Variants in ZFYVE28 observed in about 807,000 individuals in gnomAD.
ZFYVE28 encodes zinc finger FYVE-type containing 28, also known as lateral signaling target protein 2 homolog.
ZFYVE28 carries 40 observed loss-of-function variants against 82.1 expected under a neutral mutation model. The observed-to-expected ratio is 0.49, with a 90% CI of 0.38 to 0.63. The LOEUF (loss-of-function observed/expected upper bound fraction) is 0.63, where lower values mean the gene tolerates loss of function less well. ZFYVE28 is among the 30% of genes least tolerant of loss of function. ZFYVE28 has a pLI of 0.00. For missense variants in ZFYVE28, 1,321 were observed against 1,242.1 expected (o/e 1.06, Z -0.96); for synonymous variants, 612 against 546.1 (o/e 1.12, Z -1.68).
In ZFYVE28 at chr4:2,294,575, A is replaced by C. The variant is rs141831370; in HGVS notation, c.2051+9714T>G. The stretch of plus-strand genomic sequence containing the variant: ...AGATATGGCACCAAAATCACAATTC[A>C]TAAAATAAAAAATTGATAAATTGTA... On this transcript the variant is annotated intron_variant, in intron 8 of 12. Transcript: ENST00000290974. Among the ~76,000 whole-genome samples the C allele has an allele frequency of 7.3e-4, 111 of 152,368 alleles. 1 individual carries two copies. The East Asian group carries it at 0.02, about 28-fold the overall frequency.
intron 1 of ZFYVE28, among the ~76,000 whole-genome samples, chr4:2,399,446 G>A (rs890071695): frequency 9.2e-5 from 14 of 152,094 alleles, no homozygotes; most frequent in African/African-American, 2.4e-4. Flanking sequence ...GCCCCTGACC[G>A]TGCTGCCCCC....
chr4:2,305,792 T>C (rs1716482793), intron 7 of ZFYVE28, among the ~76,000 whole-genome samples: 1 of 152,250 alleles, frequency 6.6e-6, no homozygotes, highest in African/African-American at 2.4e-5. Context: ...AACAAGATTC[T>C]GGAAACTTTT....
At chr4:2,360,309 T>C (rs1278181508) in intron 1 of ZFYVE28, among the ~76,000 whole-genome samples, 6 of 151,992 alleles carry the variant, frequency 3.9e-5, no homozygotes, top group African/African-American at 1.5e-4. Context: ...ACCCTGCCGC[T>C]GTACCTTGAT....
At chr4:2,344,267 C>T (rs1177385134) in intron 2 of ZFYVE28, among the ~76,000 whole-genome samples, 3 of 152,092 alleles carry the variant, frequency 2.0e-5, no homozygotes, top group African/African-American at 7.2e-5. Flanking sequence ...TCAACACATG[C>T]CTGTGGGGAG....
rs929585693 is a variant in ZFYVE28 at position 2,354,811 on chromosome 4, A to C, written c.40-738T>G. Among the ~76,000 whole-genome samples the C allele has an allele frequency of 1.1e-4, 16 of 152,146 alleles. No individual in the cohort carries two copies. The East Asian group carries it at 1.9e-3, about 18-fold the overall frequency. ...AAAATATGAAGTGGCCCAGAATAAC[A>C]ATAAAATTTACTACACTTAAGTGAA... is the stretch of plus-strand genomic sequence containing the variant. On this transcript the variant is annotated intron_variant, in intron 1 of 12. Transcript: ENST00000290974.
In ZFYVE28 at chr4:2,304,156, C is replaced by T. The variant is rs150516585; in HGVS notation, c.2051+133G>A. 9.1e-3 allele frequency: 10,975 copies of T among 1,201,334 alleles called. 186 individuals are homozygous for T. Among genetic ancestry groups the T allele is most frequent in the African/African-American group, 0.05 (3,274 of 66,102 alleles). 74.4% of individuals were successfully genotyped at this position (1,201,334 alleles called of 1,614,324 possible). ...CCTCCTCACACACAGACCCCACACT[C>T]GGCCAGGGCCCAGCACCTGCCGGTG... On this transcript the variant is annotated intron_variant, in intron 8 of 12. Coordinates refer to ENST00000290974, the MANE Select transcript of ZFYVE28 (RefSeq NM_020972.3).
At chr4:2,299,420 C>T (rs961363916) in intron 8 of ZFYVE28, among the ~76,000 whole-genome samples, 1 of 151,210 alleles carries the variant, frequency 6.6e-6, no homozygotes. Flanking sequence ...GGCTTCATAC[C>T]TTTGCTGTGG....
intron 8 of ZFYVE28, among the ~76,000 whole-genome samples, chr4:2,292,418 C>T (rs1254524272): frequency 1.3e-5 from 2 of 152,102 alleles, no homozygotes; most frequent in Non-Finnish European, 2.9e-5. Context: ...AATAGGAGGG[C>T]ACAAGGGGTC....
chr4:2,389,136 C>T (rs9996702), intron 1 of ZFYVE28, among the ~76,000 whole-genome samples: 51,013 of 151,990 alleles, frequency 0.34, 9,402 homozygotes, highest in East Asian at 0.49. Flanking sequence ...GCTCCTGCCC[C>T]CTAGATCCAC....
At chr4:2,406,989 C>T (rs559319715) in intron 1 of ZFYVE28, among the ~76,000 whole-genome samples, 1 of 152,106 alleles carries the variant, frequency 6.6e-6, no homozygotes, top group South Asian at 2.1e-4. Context: ...TCAAAGACCT[C>T]AGTGCCAGCT....
intron 3 of ZFYVE28, among the ~76,000 whole-genome samples, chr4:2,340,011 C>T (rs1424444099): frequency 5.3e-5 from 8 of 151,932 alleles, no homozygotes; most frequent in African/African-American, 1.9e-4. Flanking sequence ...GAACCCTGGT[C>T]ATGTGACTCT....
At chr4:2,356,185 A>G (rs1725284470) in intron 1 of ZFYVE28, among the ~76,000 whole-genome samples, 1 of 152,164 alleles carries the variant, frequency 6.6e-6, no homozygotes, top group African/African-American at 2.4e-5. Flanking sequence ...GCAGACCCAC[A>G]CGAGGCCATC....
At position 2,289,917 on chromosome 4, in the gene ZFYVE28, G is replaced by A. The variant is rs537985426; in HGVS notation, c.2051+14372C>T. Among the ~76,000 whole-genome samples, 63 of 115,232 alleles carry A rather than the reference G, an allele frequency of 5.5e-4. 1 individual carries two copies. The highest frequency in any genetic ancestry group is 8.8e-3 in the Middle Eastern group (2 of 226). 75.6% of individuals were successfully genotyped at this position (115,232 alleles called of 152,430 possible). ...GCCCCCGATCCTCATCACCCACAGG[G>A]GACAGCCAGGCTGTGGCCAGCACTC... On this transcript the variant is annotated intron_variant, in intron 8 of 12. Coordinates refer to ENST00000290974, the MANE Select transcript of ZFYVE28 (RefSeq NM_020972.3).
rs969484257 is a variant in ZFYVE28 at position 2,408,754 on chromosome 4, T to C, written c.39+9531A>G. Among the ~76,000 whole-genome samples, 1 of 151,986 alleles carries C rather than the reference T, an allele frequency of 6.6e-6. No homozygotes were observed. The highest frequency in any genetic ancestry group is 1.5e-5 in the Non-Finnish European group (1 of 67,992). On this transcript the variant is annotated intron_variant, in intron 1 of 12. Transcript: ENST00000290974. The surrounding 1 kb of genome is among the most constrained non-coding windows in gnomAD (Gnocchi z 4.3). Reference sequence around the variant, plus strand: ...CCGCCCAGATGCAGCCCTATCCAGATGGCCCCACACTGTGAGTCCTGCCCA... The same window carrying C: ...CCGCCCAGATGCAGCCCTATCCAGACGGCCCCACACTGTGAGTCCTGCCCA...
intron 1 of ZFYVE28, among the ~76,000 whole-genome samples, chr4:2,393,668 G>T (rs940486526): frequency 1.3e-5 from 2 of 152,154 alleles, no homozygotes. Flanking sequence ...TTCGAGACTG[G>T]CTTTTTTCAC....
intron 2 of ZFYVE28, among the ~76,000 whole-genome samples, chr4:2,344,864 C>A (rs1282925389): frequency 6.6e-6 from 1 of 151,890 alleles, no homozygotes; most frequent in Non-Finnish European, 1.5e-5. Flanking sequence ...CCATTGCACT[C>A]CAGCCTGGGC....
rs190457522 is a variant in ZFYVE28 at position 2,354,189 on chromosome 4, C to G, written c.40-116G>C. The G allele has an allele frequency of 3.1e-5, 36 of 1,150,522 alleles. No individual in the cohort carries two copies. In the East Asian group the frequency reaches 4.7e-4, roughly 15 times the overall value. The allele number at this position is 1,150,522 out of a possible 1,614,324, so 71.3% of individuals were successfully genotyped here. ...TCAGCCTGGGACCTTCCACCCTGAG[C>G]AGCAGCCGGCTCTTTTATCAGCTTT... On this transcript the variant is annotated intron_variant, in intron 1 of 12. Transcript: ENST00000290974.
intron 7 of ZFYVE28, among the ~76,000 whole-genome samples, chr4:2,315,579 G>A (rs1296947404): frequency 2.6e-5 from 4 of 152,080 alleles, no homozygotes; most frequent in Non-Finnish European, 4.4e-5. Context: ...AACCTCCTTC[G>A]GCAGTTTAAA....
At chr4:2,337,263 G>A (rs1578152084) in intron 5 of ZFYVE28, 144 bp downstream of exon 5, 1 of 642,646 alleles carries the variant, frequency 1.6e-6, no homozygotes, top group South Asian at 2.5e-5. Flanking sequence ...CGGATGTAGT[G>A]TGGGAAGACA....
Sources: allele counts gnomAD v4.1 joint callset (sites outside exome capture counted in the v4.1 genomes callset), GRCh38; gene constraint gnomAD v4.1.1; non-coding constraint Gnocchi (gnomAD v3.1); transcripts MANE v1.5; gene names NCBI Gene and HGNC (gene_info 2026-07-23, HGNC 2026-07-21).